The following CRACD variants were observed in gnomAD, a reference collection of about 807,000 sequenced individuals.
CRACD encodes capping protein-inhibiting regulator of actin dynamics.
A neutral mutation model predicts 106.8 loss-of-function variants in CRACD; 56 were observed. The observed-to-expected ratio is 0.52, with a 90% CI of 0.42 to 0.66. The LOEUF is 0.66. Ranked by LOEUF, CRACD falls within the 30% of genes least tolerant of loss-of-function variation. The pLI, the probability that CRACD is intolerant of heterozygous loss-of-function variation, is 0.00. For missense variants in CRACD, 1,730 were observed against 1,623.2 expected (o/e 1.07, Z -1.13); for synonymous variants, 754 against 670.8 (o/e 1.12, Z -1.92).
At chr4:56,211,671 A>G (rs1444697325) in intron 2 of CRACD, among the ~76,000 whole-genome samples, 2 of 152,152 alleles carry the variant, frequency 1.3e-5, no homozygotes, top group Non-Finnish European at 2.9e-5. Context: ...CGGGGCTTTT[A>G]TGGGCTCACA....
chr4:56,193,110 A>G (rs909655786), intron 2 of CRACD, among the ~76,000 whole-genome samples: 3 of 152,198 alleles, frequency 2.0e-5, no homozygotes, highest in African/African-American at 4.8e-5. Flanking sequence ...GGTGGAAGAC[A>G]AAGGAAGAGC....
chr4:56,245,346 G>A (rs1740623370), intron 2 of CRACD, among the ~76,000 whole-genome samples: 2 of 152,128 alleles, frequency 1.3e-5, no homozygotes, highest in African/African-American at 2.4e-5. Context: ...TCTTTAGAAT[G>A]TCTAATCTCA....
chr4:56,287,276 C>T (rs1743424121), intron 3 of CRACD, among the ~76,000 whole-genome samples: 1 of 133,990 alleles, frequency 7.5e-6, no homozygotes, highest in South Asian at 2.5e-4. Context: ...AAATGTGCAG[C>T]ACTATACTTG....
chr4:56,193,523 T>A (rs959562482), intron 2 of CRACD, among the ~76,000 whole-genome samples: 3 of 152,172 alleles, frequency 2.0e-5, no homozygotes, highest in African/African-American at 7.2e-5. Flanking sequence ...GTCTAGAGAT[T>A]TTCTTCCTTC....
intron 3 of CRACD, among the ~76,000 whole-genome samples, chr4:56,295,821 C>A (rs1045893088): frequency 4.6e-5 from 7 of 151,598 alleles, no homozygotes; most frequent in Admixed American, 1.3e-4. Context: ...TTCAGAAGTG[C>A]GATTCCACAA....
chr4:56,071,058 T>TTTAC (rs1441537578), intron 1 of CRACD, among the ~76,000 whole-genome samples: 1 of 152,292 alleles, frequency 6.6e-6, no homozygotes, highest in Admixed American at 6.5e-5. Context: ...AAAAAGAGCT[T>TTTAC]GTAAGCCTTT....
chr4:56,273,161 T>C (rs1481261659), intron 3 of CRACD, among the ~76,000 whole-genome samples: 5 of 152,090 alleles, frequency 3.3e-5, no homozygotes, highest in Non-Finnish European at 7.4e-5. Context: ...AGAAAGGTTG[T>C]CATGGGCTAG....
At chr4:56,077,705 C>T (rs1406474187) in intron 1 of CRACD, among the ~76,000 whole-genome samples, 2 of 152,086 alleles carry the variant, frequency 1.3e-5, no homozygotes, top group Admixed American at 1.3e-4. Flanking sequence ...TGCACGTAGA[C>T]TTAGCAGCTC....
intron 1 of CRACD, among the ~76,000 whole-genome samples, chr4:56,106,319 A>G (rs1400703731): frequency 6.6e-6 from 1 of 152,236 alleles, no homozygotes; most frequent in Non-Finnish European, 1.5e-5. Context: ...ATAAACCGTA[A>G]ACAACTGAAA....
intron 1 of CRACD, among the ~76,000 whole-genome samples, chr4:56,107,768 G>A (rs766586672): frequency 1.3e-5 from 2 of 152,220 alleles, no homozygotes; most frequent in African/African-American, 4.8e-5. Flanking sequence ...AGGATGGAAT[G>A]TGCTGATTCA....
chr4:56,106,864 A>G (rs1301953373), intron 1 of CRACD, among the ~76,000 whole-genome samples: 2 of 152,240 alleles, frequency 1.3e-5, no homozygotes, highest in African/African-American at 4.8e-5. Flanking sequence ...TTTTCATGCT[A>G]AGGCTGTACA....
rs1343465236 is a variant in CRACD at position 56,330,115 on chromosome 4, T to C, written c.*2311T>C. Reference sequence around the variant, plus strand: ...TAGTAGTCTTCTGAGCAACAAACTATGGGGAATTCTGTAAAAACATATAAA... The same window carrying C: ...TAGTAGTCTTCTGAGCAACAAACTACGGGGAATTCTGTAAAAACATATAAA... On this transcript the variant is annotated 3_prime_UTR_variant, in exon 11 of 11. Transcript: ENST00000682029. 6.6e-6 allele frequency among the ~76,000 whole-genome samples: 1 copy of C among 152,082 alleles called. No homozygotes were observed. Among genetic ancestry groups the C allele is most frequent in the Non-Finnish European group, 1.5e-5 (1 of 68,024 alleles).
At chr4:56,227,400 C>T (rs181527304) in intron 2 of CRACD, among the ~76,000 whole-genome samples, 48 of 152,254 alleles carry the variant, frequency 3.2e-4, no homozygotes, top group African/African-American at 9.4e-4. Context: ...GATAGATACA[C>T]TAAGTTAGAA....
chr4:56,153,280 G>A (rs1735649845), intron 1 of CRACD, among the ~76,000 whole-genome samples: 1 of 151,892 alleles, frequency 6.6e-6, no homozygotes, highest in African/African-American at 2.4e-5. Flanking sequence ...CTTCATCTTG[G>A]GGAAGAAAAA....
intron 2 of CRACD, among the ~76,000 whole-genome samples, chr4:56,263,146 A>C (rs1169808106): frequency 6.6e-6 from 1 of 152,174 alleles, no homozygotes; most frequent in Non-Finnish European, 1.5e-5. Flanking sequence ...CAGAAGAAGG[A>C]GTCATTCTTT....
chr4:56,278,440 A>C (rs1742801464), intron 3 of CRACD, among the ~76,000 whole-genome samples: 1 of 152,220 alleles, frequency 6.6e-6, no homozygotes. Flanking sequence ...TTTCTGGGAC[A>C]ATTGGATAGC....
rs545546845 is a variant in CRACD, at chr4:56,299,046, G to A, written c.120+697G>A. On this transcript the variant is annotated intron_variant, in intron 4 of 10. Transcript: ENST00000682029. ...AGGGCTGACTGTTGACTGAGCGTGT[G>A]CACAACACATATCCACTTTCCGAGT... is the stretch of plus-strand genomic sequence containing the variant. Among the ~76,000 whole-genome samples the A allele has an allele frequency of 5.9e-5, 9 of 152,264 alleles. No homozygotes were observed. The South Asian group carries it at 1.5e-3, about 25-fold the overall frequency.
chr4:56,192,226 T>C (rs1225178737), intron 2 of CRACD, among the ~76,000 whole-genome samples: 4 of 151,972 alleles, frequency 2.6e-5, no homozygotes, highest in African/African-American at 4.8e-5. Flanking sequence ...ACCCCATCTC[T>C]CCTAAAAATA....
intron 5 of CRACD, among the ~76,000 whole-genome samples, chr4:56,310,445 T>C (rs1330159916): frequency 6.6e-6 from 1 of 152,118 alleles, no homozygotes; most frequent in Non-Finnish European, 1.5e-5. Flanking sequence ...GGAAACACAT[T>C]GAACTCGGGG....
Sources: allele counts gnomAD v4.1 joint callset (sites outside exome capture counted in the v4.1 genomes callset), GRCh38; gene constraint gnomAD v4.1.1; transcripts MANE v1.5; gene names NCBI Gene and HGNC (gene_info 2026-07-23, HGNC 2026-07-21).